LMOD2: variants seen among roughly 807,000 people sequenced by gnomAD.
LMOD2 encodes leiomodin-2.
A neutral mutation model predicts 41.7 loss-of-function variants in LMOD2; 27 were observed. That is an observed-to-expected ratio of 0.65 (90% CI 0.48 to 0.89). The LOEUF is 0.89. Ranked by LOEUF, LMOD2 falls within the 40% of genes least tolerant of loss-of-function variation. LMOD2 has a pLI of 0.00. For synonymous variants in LMOD2, 251 were observed against 244.6 expected (o/e 1.03, Z -0.25); for missense variants, 624 against 667.9 (o/e 0.93, Z 0.72).
In LMOD2 at chr7:123,662,802, A is replaced by G. The variant is rs1584844074; in HGVS notation, c.1216A>G (p.Lys406Glu). ...SPWSSPKLPK[K>E]VQTVRSRPLS... Reference sequence around the variant, plus strand: ...CTGGTCATCCCCAAAACTCCCCAAAAAAGTCCAGACTGTGAGGAGCCGTCC... The same window carrying G: ...CTGGTCATCCCCAAAACTCCCCAAAGAAGTCCAGACTGTGAGGAGCCGTCC... The change falls in exon 2 of 3, where the codon AAA (lysine) becomes GAA (glutamate). Residue 406 changes from lysine (K) to glutamate (E), a missense_variant. Lys to Glu is a moderately conservative substitution (Grantham distance 56). Transcript: ENST00000458573. The surrounding 1 kb of genome is among the most constrained non-coding windows in gnomAD (Gnocchi z 4.0). 6.2e-7 allele frequency: 1 copy of G among 1,613,344 alleles called. No homozygotes were observed. The highest frequency in any genetic ancestry group is 2.2e-5 in the East Asian group (1 of 44,808).
rs1269316414 is a variant in LMOD2, at chr7:123,656,061, TAGAG to T, written c.105_108del (p.Arg35SerfsTer15). On this transcript the variant is annotated frameshift_variant, in exon 1 of 3. Transcript: ENST00000458573. LOFTEE classifies it high-confidence loss of function. ...CTGTCAGCCGAGGAGCTGAAGGAGCTAGAGAGAGAGTTGGAAGACATTGAACCTG... is the reference window on the plus strand; with the variant it reads ...CTGTCAGCCGAGGAGCTGAAGGAGCTAGAGAGTTGGAAGACATTGAACCTG... The T allele has an allele frequency of 6.2e-7, 1 of 1,611,868 alleles. No individual in the cohort carries two copies. Among genetic ancestry groups the T allele is most frequent in the Non-Finnish European group, 8.5e-7 (1 of 1,179,106 alleles).
intron 1 of LMOD2, among the ~76,000 whole-genome samples, chr7:123,657,799 A>C (rs1051663695): frequency 7.5e-6 from 1 of 133,582 alleles, no homozygotes; most frequent in Non-Finnish European, 1.6e-5. Flanking sequence ...ATATAGTGAG[A>C]TCTCATCTCT....
At chr7:123,660,791 C>A (rs552813525) in intron 1 of LMOD2, among the ~76,000 whole-genome samples, 1 of 151,540 alleles carries the variant, frequency 6.6e-6, no homozygotes, top group African/African-American at 2.4e-5. Flanking sequence ...GTCACTTGAG[C>A]GTCTTTGTAC....
Position 123,663,717 on chromosome 7 carries a change from A to G in LMOD2, c.1618-2A>G. On this transcript the variant is annotated splice_acceptor_variant, in intron 2 of 2. Coordinates refer to ENST00000458573, the MANE Select transcript of LMOD2 (RefSeq NM_207163.3). LOFTEE classifies it high-confidence loss of function. ...TTGAGAGAAAATCCGCTATTTTTGT[A>G]GGTGGAAGTTCCAGAAGCCCTGCGA... is the stretch of plus-strand genomic sequence containing the variant. The G allele has an allele frequency of 6.3e-7, 1 of 1,578,258 alleles. No individual in the cohort carries two copies.
chr7:123,663,195 C>T lies in LMOD2; in HGVS notation c.1609C>T (p.Leu537=). 1 of 1,564,478 alleles carries T rather than the reference C, an allele frequency of 6.4e-7. No homozygotes were observed. Residue 537 remains leucine, a synonymous_variant, in exon 2 of 3, where the codon CTA becomes TTA. Transcript: ENST00000458573. ...AATTCGGGGAAGCAGCATAAAACAG[C>T]TAAAGCGGGTAAGTAACCAGAGAAC... ...EAIRGSSIKQ[L]KRVEVPEALR is the part of the protein sequence containing the mutation.
intron 1 of LMOD2, among the ~76,000 whole-genome samples, chr7:123,659,592 T>C (rs1386935220): frequency 6.6e-6 from 1 of 152,188 alleles, no homozygotes; most frequent in Non-Finnish European, 1.5e-5. Flanking sequence ...TGTTAACCAA[T>C]GTCAACTTAG....
intron 1 of LMOD2, among the ~76,000 whole-genome samples, chr7:123,657,556 A>T (rs1780810637): frequency 6.6e-6 from 1 of 152,186 alleles, no homozygotes; most frequent in Non-Finnish European, 1.5e-5. Flanking sequence ...ACAAGTCAGT[A>T]CTTGGGCAGG....
At position 123,663,051 on chromosome 7, in the gene LMOD2, C is replaced by A. The variant is rs372234002; in HGVS notation, c.1465C>A (p.Pro489Thr). The change falls in exon 2 of 3, where the codon CCA becomes ACA. Residue 489 changes from proline (P) to threonine (T), a missense_variant. Physicochemically the swap from Pro to Thr is conservative, Grantham distance 38. Transcript: ENST00000458573. ...KKKGKKVKKQPNSILKEIKNS... is the reference protein window; with the variant it reads ...KKKGKKVKKQTNSILKEIKNS... ...AAAAGGGAAAAAGGTCAAGAAACAG[C>A]CAAACAGTATTCTAAAGGAAATAAA... 1 of 1,555,508 alleles carries A rather than the reference C, an allele frequency of 6.4e-7. No homozygotes were observed. The highest frequency in any genetic ancestry group is 1.4e-5 in the African/African-American group (1 of 73,110).
At chr7:123,660,282 CTCTT>C (rs1195939078) in intron 1 of LMOD2, among the ~76,000 whole-genome samples, 75 of 143,794 alleles carry the variant, frequency 5.2e-4, no homozygotes, top group African/African-American at 8.4e-4. Flanking sequence ...ACATTTCTCT[CTCTT>C]TCTCTCTCTC....
At position 123,662,823 on chromosome 7, in the gene LMOD2, C is replaced by G; in HGVS notation, c.1237C>G (p.Arg413Gly). ...LPKKVQTVRSRPLSPVATPPP... is the reference protein window; with the variant it reads ...LPKKVQTVRSGPLSPVATPPP... ...CAAAAAAGTCCAGACTGTGAGGAGCCGTCCTCTGTCTCCTGTGGCCACACC... is the reference window on the plus strand; with the variant it reads ...CAAAAAAGTCCAGACTGTGAGGAGCGGTCCTCTGTCTCCTGTGGCCACACC... Residue 413 changes from arginine (R) to glycine (G), a missense_variant, in exon 2 of 3, where the codon CGT becomes GGT. Arg to Gly is a moderately radical substitution (Grantham distance 125). Transcript: ENST00000458573. This position sits in a 1 kb window ranked among gnomAD's most constrained non-coding sequence, Gnocchi z 4.0. 6.2e-7 allele frequency: 1 copy of G among 1,612,992 alleles called. No individual in the cohort carries two copies. Among genetic ancestry groups the G allele is most frequent in the South Asian group, 1.1e-5 (1 of 91,002 alleles).
chr7:123,657,641 T>C (rs949368236), intron 1 of LMOD2, among the ~76,000 whole-genome samples: 1 of 151,916 alleles, frequency 6.6e-6, no homozygotes, highest in Admixed American at 6.6e-5. Flanking sequence ...AAAATAACAA[T>C]GACATTATCA....
chr7:123,661,991 C>G lies in LMOD2; in HGVS notation c.405C>G (p.Asp135Glu), dbSNP rs757325191. 7 of 1,560,954 alleles carry G rather than the reference C, an allele frequency of 4.5e-6. No homozygotes were observed. Among genetic ancestry groups the G allele is most frequent in the Non-Finnish European group, 5.2e-6 (6 of 1,151,946 alleles). The change falls in exon 2 of 3, where the codon GAC becomes GAG. Residue 135 changes from aspartate (D) to glutamate (E), a missense_variant. Transcript: ENST00000458573. Reference protein sequence around the residue: ...SQEEEEEEDSDEEERTIETAK... With the variant: ...SQEEEEEEDSEEEERTIETAK... ...AGGAAGAGGAGGAAGAAGACAGTGA[C>G]GAAGAGGAAAGAACAATTGAAACTG...
At position 123,663,819 on chromosome 7, in the gene LMOD2, A is replaced by G; in HGVS notation, c.*74A>G. On this transcript the variant is annotated 3_prime_UTR_variant, in exon 3 of 3. Coordinates refer to ENST00000458573, the MANE Select transcript of LMOD2 (RefSeq NM_207163.3). ...GAAATGCATTGTGAGATGTTTCTAA[A>G]ATACCTTCTTCAATTCAAAATGATC... The G allele has an allele frequency of 8.1e-7, 1 of 1,235,874 alleles. No homozygotes were observed. The allele number at this position is 1,235,874 out of a possible 1,614,324, so 76.6% of individuals were successfully genotyped here.
At chr7:123,658,225 T>C (rs1383620633) in intron 1 of LMOD2, among the ~76,000 whole-genome samples, 1 of 152,148 alleles carries the variant, frequency 6.6e-6, no homozygotes, top group African/African-American at 2.4e-5. Context: ...GTTGATGGAC[T>C]TCGGTTCCTT....
In LMOD2 at chr7:123,662,491, G is replaced by A. The variant is rs763739335; in HGVS notation, c.905G>A (p.Arg302His). The change falls in exon 2 of 3, where the codon CGT (arginine) becomes CAT (histidine). Residue 302 changes from arginine (R) to histidine (H), a missense_variant. By Grantham distance (29) the Arg-to-His change is conservative. Coordinates refer to ENST00000458573, the MANE Select transcript of LMOD2 (RefSeq NM_207163.3). The surrounding 1 kb of genome is among the most constrained non-coding windows in gnomAD (Gnocchi z 4.0). ...CACAACACGGTGCTCACGGAGCTGCGTTTCCATAACCAGAGGCACATCATG... is the reference window on the plus strand; with the variant it reads ...CACAACACGGTGCTCACGGAGCTGCATTTCCATAACCAGAGGCACATCATG... Reference protein sequence around the residue: ...LQHNTVLTELRFHNQRHIMGS... With the variant: ...LQHNTVLTELHFHNQRHIMGS... The A allele has an allele frequency of 7.4e-6, 12 of 1,613,788 alleles. No homozygotes were observed. Among genetic ancestry groups the A allele is most frequent in the Admixed American group, 1.7e-5 (1 of 60,000 alleles).
chr7:123,660,293 TCTCTCTCTCTCTCC>T (rs1433976893), intron 1 of LMOD2, among the ~76,000 whole-genome samples: 4 of 145,328 alleles, frequency 2.8e-5, no homozygotes, highest in African/African-American at 5.1e-5. Context: ...TCTTTCTCTC[TCTCTCTCTCTCTCC>T]CTCTCTCTCT....
chr7:123,660,465 A>G (rs1802859775), intron 1 of LMOD2, among the ~76,000 whole-genome samples: 2 of 152,030 alleles, frequency 1.3e-5, no homozygotes, highest in African/African-American at 4.8e-5. Flanking sequence ...GGTGCCTGCC[A>G]CTCCAAACAG....
At position 123,662,014 on chromosome 7, in the gene LMOD2, C is replaced by T; in HGVS notation, c.428C>T (p.Thr143Ile). 1.3e-6 allele frequency: 2 copies of T among 1,569,060 alleles called. No individual in the cohort carries two copies. The highest frequency in any genetic ancestry group is 1.7e-6 in the Non-Finnish European group (2 of 1,156,210). ...GACGAAGAGGAAAGAACAATTGAAA[C>T]TGCAAAAGGGATTAATGGAACTGTA... is the stretch of plus-strand genomic sequence containing the variant. ...DSDEEERTIE[T>I]AKGINGTVNY... Residue 143 changes from threonine (T) to isoleucine (I), a missense_variant, in exon 2 of 3, where the codon ACT (threonine) becomes ATT (isoleucine). By Grantham distance (89) the Thr-to-Ile change is moderately conservative. Coordinates refer to ENST00000458573, the MANE Select transcript of LMOD2 (RefSeq NM_207163.3). This position sits in a 1 kb window ranked among gnomAD's most constrained non-coding sequence, Gnocchi z 4.0.
At position 123,662,310 on chromosome 7, in the gene LMOD2, G is replaced by C. The variant is rs757490460; in HGVS notation, c.724G>C (p.Val242Leu). 2.5e-6 allele frequency: 4 copies of C among 1,613,880 alleles called. No homozygotes were observed. In the African/African-American group the frequency reaches 5.3e-5, roughly 22 times the overall value. The change falls in exon 2 of 3, where the codon GTG becomes CTG. Residue 242 changes from valine (V) to leucine (L), a missense_variant. Val to Leu is a conservative substitution (Grantham distance 32, BLOSUM62 1). Coordinates refer to ENST00000458573, the MANE Select transcript of LMOD2 (RefSeq NM_207163.3). This position sits in a 1 kb window ranked among gnomAD's most constrained non-coding sequence, Gnocchi z 4.0. ...FAEALKDNTV[V>L]KTFSLANTHA... Reference sequence around the variant, plus strand: ...TGAAGCCCTCAAGGACAACACTGTGGTGAAGACGTTCAGTCTGGCCAACAC... The same window carrying C: ...TGAAGCCCTCAAGGACAACACTGTGCTGAAGACGTTCAGTCTGGCCAACAC...
Sources: gnomAD v4.1 joint callset for allele counts (sites outside exome capture counted in the v4.1 genomes callset) on GRCh38, gnomAD v4.1.1 for gene constraint, Gnocchi (gnomAD v3.1) non-coding constraint, MANE v1.5 for transcripts, NCBI Gene and HGNC (gene_info 2026-07-23, HGNC 2026-07-21) for gene names.